BTN2A1: variants seen among roughly 807,000 people sequenced by gnomAD.
BTN2A1 encodes the protein butyrophilin subfamily 2 member A1, also known as butyrophilin, subfamily 2, member A1.
In BTN2A1, 41 loss-of-function variants were observed where a neutral mutation model predicts 34.5. The ratio of observed to expected loss-of-function variants is 1.19; its 90% CI spans 0.93 to 1.54. The LOEUF is 1.54. BTN2A1 is among the 40% of genes most tolerant of loss of function. The probability of loss-of-function intolerance (pLI) is 0.00; values close to 1 mark genes in which losing one functional copy is unlikely to be tolerated. For synonymous variants in BTN2A1, 267 were observed against 258.6 expected (o/e 1.03, Z -0.31); for missense variants, 642 against 662.0 (o/e 0.97, Z 0.33).
chr6:26,468,426 C>G lies in BTN2A1; in HGVS notation c.1461C>G (p.Phe487Leu), dbSNP rs1258519129. ...RSAFSVPVRP[F>L]FRLGCEDSPI... Reference sequence around the variant, plus strand: ...CCTTTTCCGTGCCTGTGAGGCCCTTCTTCAGGTTGGGGTGTGAGGACAGCC... The same window carrying G: ...CCTTTTCCGTGCCTGTGAGGCCCTTGTTCAGGTTGGGGTGTGAGGACAGCC... Residue 487 changes from phenylalanine to leucine, a missense_variant, in exon 8 of 8, where the codon TTC becomes TTG. Coordinates refer to ENST00000312541, the MANE Select transcript of BTN2A1 (RefSeq NM_007049.5). 3 of 1,614,074 alleles carry G rather than the reference C, an allele frequency of 1.9e-6. No individual in the cohort carries two copies. The highest frequency in any genetic ancestry group is 2.5e-6 in the Non-Finnish European group (3 of 1,180,020).
chr6:26,467,568 T>G, intron 7 of BTN2A1: 5 of 746,542 alleles, frequency 6.7e-6, no homozygotes, highest in Non-Finnish European at 1.0e-5. Context: ...TGCCTCAGCC[T>G]CCCAAAGTTC....
exon 8 of BTN2A1, chr6:26,476,463 C>T: frequency 1.6e-6 from 1 of 607,116 alleles, no homozygotes; most frequent in Admixed American, 2.2e-5. Context: ...AGATAGGTCT[C>T]TCTCTCTGGC....
rs767501063 is a variant in BTN2A1, at chr6:26,469,386, G to A, written c.*837G>A. On this transcript the variant is annotated 3_prime_UTR_variant, in exon 8 of 8. Transcript: ENST00000312541. ...TATCTTGAGACGCCTTACAAATGATGGAGGATTCCAAAGAGTTTTTGTTTA... is the reference window on the plus strand; with the variant it reads ...TATCTTGAGACGCCTTACAAATGATAGAGGATTCCAAAGAGTTTTTGTTTA... The A allele has an allele frequency of 1.3e-5, 13 of 966,558 alleles. No individual in the cohort carries two copies. The highest frequency in any genetic ancestry group is 1.6e-5 in the Non-Finnish European group (13 of 812,876). 59.9% of individuals were successfully genotyped at this position (966,558 alleles called of 1,614,324 possible).
chr6:26,465,233 T>C lies in BTN2A1; in HGVS notation c.761T>C (p.Ile254Thr), dbSNP rs540173873. 3 of 1,614,152 alleles carry C rather than the reference T, an allele frequency of 1.9e-6. No homozygotes were observed. The highest frequency in any genetic ancestry group is 1.3e-5 in the African/African-American group (1 of 75,036). The change falls in exon 5 of 8, where the codon ATT (isoleucine) becomes ACT (threonine). Residue 254 changes from isoleucine (I) to threonine (T), a missense_variant. Physicochemically the swap from Ile to Thr is moderately conservative, Grantham distance 89 (BLOSUM62 -1). Transcript: ENST00000312541. ...VSPCAVALPI[I>T]VVILMIPIAV... Reference sequence around the variant, plus strand: ...CCCTGTGCAGTGGCCCTGCCTATCATTGTGGTTATTCTGATGATACCCATT... The same window carrying C: ...CCCTGTGCAGTGGCCCTGCCTATCACTGTGGTTATTCTGATGATACCCATT...
intron 7 of BTN2A1, 135 bp downstream of exon 7, chr6:26,466,223 T>C: frequency 7.5e-7 from 1 of 1,336,600 alleles, no homozygotes; most frequent in Non-Finnish European, 1.1e-6. Flanking sequence ...TCATCAACAG[T>C]GTCCCAGCAA....
chr6:26,463,763 G>A (rs1763238176), intron 4 of BTN2A1, among the ~76,000 whole-genome samples: 2 of 151,980 alleles, frequency 1.3e-5, no homozygotes, highest in East Asian at 1.9e-4. Context: ...TGTTGTTGTT[G>A]TTGTTGTTGT....
At chr6:26,463,843 A>G (rs944794182) in intron 4 of BTN2A1, among the ~76,000 whole-genome samples, 2 of 151,862 alleles carry the variant, frequency 1.3e-5, no homozygotes, top group African/African-American at 4.8e-5. Flanking sequence ...GCTCTGTCAC[A>G]CAGGCTAGCA....
intron 3 of BTN2A1, among the ~76,000 whole-genome samples, chr6:26,460,247 G>A (rs1763130947): frequency 6.6e-6 from 1 of 152,000 alleles, no homozygotes. Flanking sequence ...TTGCACTTCT[G>A]AGAGTGAGAG....
intron 7 of BTN2A1, chr6:26,467,596 G>C (rs1209501311): frequency 1.0e-5 from 11 of 1,068,054 alleles, no homozygotes; most frequent in Non-Finnish European, 1.4e-5. Context: ...ACAGGCGTGA[G>C]TCACCACGCC....
exon 8 of BTN2A1, chr6:26,476,295 C>A: frequency 1.1e-6 from 1 of 923,932 alleles, no homozygotes; most frequent in Non-Finnish European, 1.7e-6. Context: ...GAGCCCATCG[C>A]TCTCTCCTGT....
rs894089394 is a variant in BTN2A1, at chr6:26,469,475, A to G, written c.*926A>G. On this transcript the variant is annotated 3_prime_UTR_variant, in exon 8 of 8. Transcript: ENST00000312541. ...TTGAAACTAAGAAATGTTTTAATTT[A>G]TTACCTTTACAACATTTATTTACAT... 1.9e-5 allele frequency: 6 copies of G among 324,146 alleles called. No homozygotes were observed. Among genetic ancestry groups the G allele is most frequent in the Non-Finnish European group, 2.2e-5 (5 of 225,522 alleles). 20.1% of individuals were successfully genotyped at this position (324,146 alleles called of 1,614,324 possible).
chr6:26,463,742 C>T (rs1360196478), intron 4 of BTN2A1, among the ~76,000 whole-genome samples: 1 of 143,130 alleles, frequency 7.0e-6, no homozygotes. Context: ...TGAGGGTAAA[C>T]CTGTTTTTGT....
At chr6:26,476,581 G>A (rs956739744) in exon 8 of BTN2A1, 7 of 276,428 alleles carry the variant, frequency 2.5e-5, no homozygotes. Context: ...AAGCCACTGG[G>A]CACTCATATC....
At chr6:26,459,893 A>C (rs1438091014) in intron 3 of BTN2A1, 65 bp downstream of exon 3, 25 of 1,496,416 alleles carry the variant, frequency 1.7e-5, no homozygotes, top group Non-Finnish European at 2.3e-5. Context: ...TTTCTCTCCT[A>C]ACCTCAGGCC....
At position 26,468,409 on chromosome 6, in the gene BTN2A1, G is replaced by T. The variant is rs142664900; in HGVS notation, c.1444G>T (p.Val482Leu). Residue 482 changes from valine (V) to leucine (L), a missense_variant, in exon 8 of 8, where the codon GTG becomes TTG. Val to Leu is a conservative substitution (Grantham distance 32, BLOSUM62 1). Transcript: ENST00000312541. ...CACATGTCCCCGTTCAGCCTTTTCCGTGCCTGTGAGGCCCTTCTTCAGGTT... is the reference window on the plus strand; with the variant it reads ...CACATGTCCCCGTTCAGCCTTTTCCTTGCCTGTGAGGCCCTTCTTCAGGTT... ...IYTCPRSAFS[V>L]PVRPFFRLGC... The T allele has an allele frequency of 1.9e-6, 3 of 1,614,142 alleles. No individual in the cohort carries two copies. Among genetic ancestry groups the T allele is most frequent in the South Asian group, 1.1e-5 (1 of 91,084 alleles).
At chr6:26,470,617 C>G (rs1763432871), downstream of BTN2A1, among the ~76,000 whole-genome samples, 1 of 152,086 alleles carries the variant, frequency 6.6e-6, no homozygotes, top group Non-Finnish European at 1.5e-5. Flanking sequence ...TCTTTGGGCA[C>G]CTTCCAATCA....
Position 26,468,607 on chromosome 6 carries a change from C to G in BTN2A1, c.*58C>G. 6.2e-7 allele frequency: 1 copy of G among 1,614,136 alleles called. No individual in the cohort carries two copies. Among genetic ancestry groups the G allele is most frequent in the Non-Finnish European group, 8.5e-7 (1 of 1,180,022 alleles). On this transcript the variant is annotated 3_prime_UTR_variant, in exon 8 of 8. Transcript: ENST00000312541. ...AAGCCCTGGTCATCTCAGCAGCCAC[C>G]GCACAACACCCCTGGTGGAAGACAC...
At chr6:26,459,949 C>G in intron 3 of BTN2A1, 121 bp downstream of exon 3, 2 of 92,276 alleles carry the variant, frequency 2.2e-5, no homozygotes, top group South Asian at 9.8e-5. Context: ...TTTCCACTCT[C>G]CCTGTGGAAA....
At chr6:26,476,346 C>G (rs1561876919) in exon 8 of BTN2A1, 1 of 757,686 alleles carries the variant, frequency 1.3e-6, no homozygotes, top group Non-Finnish European at 2.4e-6. Flanking sequence ...AGACTCACAC[C>G]AGTATCTTGC....
Sources: allele counts gnomAD v4.1 joint callset (sites outside exome capture counted in the v4.1 genomes callset), GRCh38; gene constraint gnomAD v4.1.1; transcripts MANE v1.5; gene names NCBI Gene and HGNC (gene_info 2026-07-23, HGNC 2026-07-21).